Variants in C2orf80 observed in about 807,000 individuals in gnomAD.
The protein encoded by C2orf80 is uncharacterized protein C2orf80.
A neutral mutation model predicts 30.2 loss-of-function variants in C2orf80; 28 were observed. The observed-to-expected ratio is 0.93, with a 90% CI of 0.69 to 1.27. C2orf80 has a LOEUF of 1.27. Ranked by LOEUF, C2orf80 falls within the 50% of genes most tolerant of loss-of-function variation. C2orf80 has a pLI of 0.00. For synonymous variants in C2orf80, 80 were observed against 76.4 expected (o/e 1.05, Z -0.24); for missense variants, 220 against 231.0 (o/e 0.95, Z 0.31).
intron 6 of C2orf80, among the ~76,000 whole-genome samples, chr2:208,172,962 CA>C: frequency 6.6e-6 from 1 of 151,732 alleles, no homozygotes; most frequent in African/African-American, 2.4e-5. Flanking sequence ...ACTAAAAATA[CA>C]AAAAAATTAA....
Position 208,183,005 on chromosome 2 carries a change from C to A in C2orf80, c.166G>T (p.Asp56Tyr). 6.2e-7 allele frequency: 1 copy of A among 1,614,072 alleles called. No individual in the cohort carries two copies. The highest frequency in any genetic ancestry group is 8.5e-7 in the Non-Finnish European group (1 of 1,179,964). ...LAISVALQWL[D>Y]PSEDLTWLEW... Reference sequence around the variant, plus strand: ...AGCCAAGTTAAGTCTTCTGAGGGATCCAGCCATTGCAAAGCAACACTGATG... The same window carrying A: ...AGCCAAGTTAAGTCTTCTGAGGGATACAGCCATTGCAAAGCAACACTGATG... Residue 56 changes from aspartate to tyrosine, a missense_variant, in exon 4 of 9, where the codon GAT (aspartate) becomes TAT (tyrosine). Transcript: ENST00000341287.
Sources: gnomAD v4.1 joint callset for allele counts (sites outside exome capture counted in the v4.1 genomes callset) on GRCh38, gnomAD v4.1.1 for gene constraint, MANE v1.5 for transcripts, NCBI Gene and HGNC (gene_info 2026-07-23, HGNC 2026-07-21) for gene names.